Variants in HOMER3 observed in about 807,000 individuals in gnomAD.
HOMER3 encodes homer scaffold protein 3, also known as homer protein homolog 3.
In HOMER3, 34 loss-of-function variants were observed where a neutral mutation model predicts 45.5. That is an observed-to-expected ratio of 0.75 (90% CI 0.57 to 1.00). The LOEUF is 1.00. Among genes scored for constraint, HOMER3 ranks in the 50% least tolerant of loss-of-function variants. The pLI, the probability that HOMER3 is intolerant of heterozygous loss-of-function variation, is 0.00. For synonymous variants in HOMER3, 223 were observed against 208.8 expected, an observed-to-expected ratio of 1.07 and a Z score of -0.58; for missense variants, 480 against 497.5, an observed-to-expected ratio of 0.96 and a Z score of 0.33.
At chr19:18,938,703 T>TGG in intron 3 of HOMER3, 25 bp downstream of exon 3, 2 of 1,571,662 alleles carry the variant, frequency 1.3e-6, no homozygotes, top group Non-Finnish European at 1.7e-6. Context: ...CTGGTGCCTC[T>TGG]GCCCCACCCA....
In HOMER3 at chr19:18,938,251, A is replaced by G. The variant is rs1375356670; in HGVS notation, c.303+102T>C. ...CTCATCCTACAATCCCATCCTGCAG[A>G]TGGGAAGATAGGGGACCTGCCCAAG... On this transcript the variant is annotated intron_variant, in intron 4 of 9. Transcript: ENST00000392351. 2.3e-6 allele frequency: 3 copies of G among 1,301,542 alleles called. No homozygotes were observed. In the East Asian group the frequency reaches 7.0e-5, roughly 30 times the overall value. 80.6% of individuals were successfully genotyped at this position (1,301,542 alleles called of 1,614,324 possible).
Sources: allele counts gnomAD v4.1 joint callset, GRCh38; gene constraint gnomAD v4.1.1; transcripts MANE v1.5; gene names NCBI Gene and HGNC (gene_info 2026-07-23, HGNC 2026-07-21).